Variants in USHBP1 observed in about 807,000 individuals in gnomAD.
USHBP1 encodes the protein harmonin-binding protein USHBP1.
Under a neutral mutation model 76.2 loss-of-function variants are expected in USHBP1, and 67 were observed. That is an observed-to-expected ratio of 0.88 (90% CI 0.72 to 1.08). The LOEUF is 1.08. Among genes scored for constraint, USHBP1 ranks in the 50% least tolerant of loss-of-function variants. USHBP1 has a pLI of 0.00. For missense variants in USHBP1, 931 were observed against 915.0 expected (o/e 1.02, Z -0.23); for synonymous variants, 322 against 362.2 (o/e 0.89, Z 1.26).
At position 17,261,646 on chromosome 19, in the gene USHBP1, T is replaced by A. The variant is rs574070190; in HGVS notation, c.642+906A>T. On this transcript the variant is annotated intron_variant, in intron 4 of 12. Transcript: ENST00000252597. The stretch of plus-strand genomic sequence containing the variant: ...CGTGCCCAGCATTATTATTATTTTT[T>A]TTTTTTTTTGAGACAGAGTCTCACT... 9.0e-4 allele frequency among the ~76,000 whole-genome samples: 110 copies of A among 122,114 alleles called. 1 individual carries two copies. The highest frequency in any genetic ancestry group is 2.4e-3 in the African/African-American group (72 of 30,424). The allele number at this position is 122,114 out of a possible 152,430, so 80.1% of individuals were successfully genotyped here.
chr19:17,264,330 C>T lies in USHBP1; in HGVS notation c.-31G>A. 1.3e-6 allele frequency: 2 copies of T among 1,592,462 alleles called. No homozygotes were observed. Among genetic ancestry groups the T allele is most frequent in the South Asian group, 2.3e-5 (2 of 87,830 alleles). On this transcript the variant is annotated 5_prime_UTR_variant, in exon 2 of 13. Coordinates refer to ENST00000252597, the MANE Select transcript of USHBP1 (RefSeq NM_031941.4). ...TCCAGAAGCCAGTGCCCTCTGAATG[C>T]TTCTCCTTCGTCAACCCCTAAAACC...
At position 17,250,085 on chromosome 19, in the gene USHBP1, G is replaced by A. The variant is rs77094163; in HGVS notation, c.*140C>T. On this transcript the variant is annotated 3_prime_UTR_variant, in exon 13 of 13. Coordinates refer to ENST00000252597, the MANE Select transcript of USHBP1 (RefSeq NM_031941.4). ...CCTGGCCACACCCCATCAGGCCCTG[G>A]ACACCCATGTGCACCAGCTTCCCTC... 1.5e-3 allele frequency: 1,391 copies of A among 946,430 alleles called. 22 individuals are homozygous for A. The East Asian group carries it at 0.03, about 20-fold the overall frequency. The allele number at this position is 946,430 out of a possible 1,614,324, so 58.6% of individuals were successfully genotyped here. A position where few individuals can be genotyped will look rare whatever the true frequency, so the allele number is the denominator to read the frequency against.
At position 17,251,705 on chromosome 19, in the gene USHBP1, C is replaced by T; in HGVS notation, c.1800-1G>A. On this transcript the variant is annotated splice_acceptor_variant, in intron 11 of 12. Coordinates refer to ENST00000252597, the MANE Select transcript of USHBP1 (RefSeq NM_031941.4). LOFTEE classifies it high-confidence loss of function. Reference sequence around the variant, plus strand: ...CAGCTGCTCCTGCAGGTCCAGTGTCCTGTTGCGAAGGAGAAGAGAGGGGGC... The same window carrying T: ...CAGCTGCTCCTGCAGGTCCAGTGTCTTGTTGCGAAGGAGAAGAGAGGGGGC... 1.9e-6 allele frequency: 3 copies of T among 1,613,076 alleles called. No individual in the cohort carries two copies. Among genetic ancestry groups the T allele is most frequent in the Non-Finnish European group, 2.5e-6 (3 of 1,180,002 alleles).
At chr19:17,263,944 G>A (rs2073721232) in intron 3 of USHBP1, 58 bp downstream of exon 3, 5 of 1,467,984 alleles carry the variant, frequency 3.4e-6, no homozygotes, top group Non-Finnish European at 4.5e-6. Context: ...CAGCAGATCT[G>A]TGGATGGCAA....
chr19:17,250,464 A>G (rs1013856809), intron 12 of USHBP1, 50 bp from the exon 13 acceptor site: 1 of 1,584,158 alleles, frequency 6.3e-7, no homozygotes, highest in African/African-American at 1.4e-5. Flanking sequence ...AGTCCACCCA[A>G]GGCAAGGGCC....
chr19:17,255,292 CAAAAAAAACA>C, intron 10 of USHBP1, 83 bp downstream of exon 10: 2 of 1,325,970 alleles, frequency 1.5e-6, no homozygotes, highest in South Asian at 1.5e-5. Context: ...AACTCCGTCT[CAAAAAAAACA>C]AAAAAAAAAA....
rs200847853 is a variant in USHBP1 at position 17,259,699 on chromosome 19, G to A, written c.802C>T (p.Arg268Cys). The change falls in exon 6 of 13, where the codon CGC becomes TGC. Residue 268 changes from arginine (R) to cysteine (C), a missense_variant. Arg to Cys is a radical substitution (Grantham distance 180). Transcript: ENST00000252597. ...SFSLAHPLLR[R>C]LRSHSSTQIL... ...TGGGTGCTGGAATGGCTGCGGAGGC[G>A]CCGAAGCAGGGGGTGAGCCAGGGAG... 5.0e-5 allele frequency: 80 copies of A among 1,613,342 alleles called. 1 individual carries two copies. In the East Asian group the frequency reaches 5.6e-4, roughly 11 times the overall value.
At position 17,259,725 on chromosome 19, in the gene USHBP1, A is replaced by G; in HGVS notation, c.776T>C (p.Phe259Ser). The change falls in exon 6 of 13, where the codon TTC becomes TCC. Residue 259 changes from phenylalanine to serine, a missense_variant. Physicochemically the swap from Phe to Ser is radical, Grantham distance 155. Transcript: ENST00000252597. ...CCGAAGCAGGGGGTGAGCCAGGGAGAAGGAGTCCTGCCAAGAAGAAGTGAT... is the reference window on the plus strand; with the variant it reads ...CCGAAGCAGGGGGTGAGCCAGGGAGGAGGAGTCCTGCCAAGAAGAAGTGAT... The part of the protein sequence containing the change: ...DREPWETQDS[F>S]SLAHPLLRRL... 1 of 1,610,176 alleles carries G rather than the reference A, an allele frequency of 6.2e-7. No individual in the cohort carries two copies. The highest frequency in any genetic ancestry group is 8.5e-7 in the Non-Finnish European group (1 of 1,178,476).
rs2073724195 is a variant in USHBP1 at position 17,264,115 on chromosome 19, C to T, written c.90G>A (p.Glu30=). 1 of 1,614,098 alleles carries T rather than the reference C, an allele frequency of 6.2e-7. No homozygotes were observed. Residue 30 remains glutamate (E), a synonymous_variant, in exon 3 of 13, where the codon GAG becomes GAA. Transcript: ENST00000252597. The part of the protein sequence containing the change: ...ELDPVAESSE[E]VEAASGSSKP... ...TGGAGCTCCCACTGGCTGCCTCGAC[C>T]TCCTCTGAACTCTCAGCCACGGGAT...
rs1206777336 is a variant in USHBP1, at chr19:17,249,215, T to C, written c.*1010A>G. 1 of 152,158 alleles carries C rather than the reference T, an allele frequency of 6.6e-6. No homozygotes were observed. Among genetic ancestry groups the C allele is most frequent in the South Asian group, 2.1e-4 (1 of 4,808 alleles). 9.4% of individuals were successfully genotyped at this position (152,158 alleles called of 1,614,324 possible). Reference sequence around the variant, plus strand: ...TTTATTTATTTATTTAGAGACAGAGTTTTGCTCTTATTGCCCGGGCACGAT... The same window carrying C: ...TTTATTTATTTATTTAGAGACAGAGCTTTGCTCTTATTGCCCGGGCACGAT... On this transcript the variant is annotated 3_prime_UTR_variant, in exon 13 of 13. Transcript: ENST00000252597.
At chr19:17,252,157 A>G (rs1325161992) in intron 10 of USHBP1, 140 bp from the exon 11 acceptor site, 2 of 748,152 alleles carry the variant, frequency 2.7e-6, no homozygotes, top group Admixed American at 2.7e-5. Context: ...TACCAATAAG[A>G]GCAAAATTAT....
chr19:17,255,152 T>A (rs1007711113), intron 10 of USHBP1, among the ~76,000 whole-genome samples: 3 of 151,738 alleles, frequency 2.0e-5, no homozygotes, highest in African/African-American at 7.3e-5. Flanking sequence ...AATAGCTAGA[T>A]GTGGTGGTGC....
At position 17,255,445 on chromosome 19, in the gene USHBP1, G is replaced by C; in HGVS notation, c.1632C>G (p.Asn544Lys). ...ERAELQAGGA[N>K]SSGGHSSGGG... Reference sequence around the variant, plus strand: ...CTCCGCTGCTATGTCCGCCACTGCTGTTTGCCCCACCAGCCTGGAGCTCTG... The same window carrying C: ...CTCCGCTGCTATGTCCGCCACTGCTCTTTGCCCCACCAGCCTGGAGCTCTG... Residue 544 changes from asparagine (N) to lysine (K), a missense_variant, in exon 10 of 13, where the codon AAC (asparagine) becomes AAG (lysine). Physicochemically the swap from Asn to Lys is moderately conservative, Grantham distance 94. Transcript: ENST00000252597. The C allele has an allele frequency of 6.2e-7, 1 of 1,614,146 alleles. No homozygotes were observed. The highest frequency in any genetic ancestry group is 8.5e-7 in the Non-Finnish European group (1 of 1,180,000).
At chr19:17,261,977 C>CTGCACCCA (rs2073694701) in intron 4 of USHBP1, among the ~76,000 whole-genome samples, 1 of 150,534 alleles carries the variant, frequency 6.6e-6, no homozygotes, top group South Asian at 2.1e-4. Flanking sequence ...GCATGAGCCA[C>CTGCACCCA]TGCACCCAGC....
chr19:17,256,625 A>G lies in USHBP1; in HGVS notation c.1316T>C (p.Met439Thr). 1 of 1,614,194 alleles carries G rather than the reference A, an allele frequency of 6.2e-7. No homozygotes were observed. Among genetic ancestry groups the G allele is most frequent in the Non-Finnish European group, 8.5e-7 (1 of 1,180,030 alleles). Residue 439 changes from methionine to threonine, a missense_variant, in exon 9 of 13, where the codon ATG (methionine) becomes ACG (threonine). Transcript: ENST00000252597. The part of the protein sequence containing the change: ...VQRLQERRSL[M>T]KILSEPGPTL... ...GGGGCCAGGCTCTGAGAGAATCTTC[A>G]TTAGAGAACGGCGCTCCTGGAGACG... is the stretch of plus-strand genomic sequence containing the variant.
chr19:17,262,889 G>GCT lies in USHBP1; in HGVS notation c.303_304dup (p.Ala102GlufsTer26), dbSNP rs1341963903. 1 of 1,594,624 alleles carries GCT rather than the reference G, an allele frequency of 6.3e-7. No individual in the cohort carries two copies. Among genetic ancestry groups the GCT allele is most frequent in the Non-Finnish European group, 8.6e-7 (1 of 1,167,414 alleles). The stretch of plus-strand genomic sequence containing the variant: ...GGGCACAGTCTCCTTGTACTGTAGG[G>GCT]CTGCTTCTGGGGCTTGGTGGGCTTC... On this transcript the variant is annotated frameshift_variant, in exon 4 of 13. Coordinates refer to ENST00000252597, the MANE Select transcript of USHBP1 (RefSeq NM_031941.4). LOFTEE classifies it high-confidence loss of function.
intron 10 of USHBP1, among the ~76,000 whole-genome samples, chr19:17,253,082 C>T (rs1210283831): frequency 1.3e-5 from 2 of 149,926 alleles, no homozygotes; most frequent in Non-Finnish European, 3.0e-5. Flanking sequence ...CATTCTCCTG[C>T]CTCAGCCTCC....
At chr19:17,261,659 A>G (rs1471668014) in intron 4 of USHBP1, among the ~76,000 whole-genome samples, 1 of 135,772 alleles carries the variant, frequency 7.4e-6, no homozygotes, top group East Asian at 2.1e-4. Context: ...TTTTTTTGAG[A>G]CAGAGTCTCA....
chr19:17,261,233 A>G (rs1167118345), intron 4 of USHBP1, among the ~76,000 whole-genome samples: 1 of 151,668 alleles, frequency 6.6e-6, no homozygotes, highest in East Asian at 1.9e-4. Context: ...TGTTCCAGCC[A>G]CACTGGCCTC....
Sources: allele counts gnomAD v4.1 joint callset (sites outside exome capture counted in the v4.1 genomes callset), GRCh38; gene constraint gnomAD v4.1.1; transcripts MANE v1.5; gene names NCBI Gene and HGNC (gene_info 2026-07-23, HGNC 2026-07-21).